PIK3CD: variants seen among roughly 807,000 people sequenced by gnomAD.
PIK3CD encodes the protein phosphatidylinositol 4,5-bisphosphate 3-kinase catalytic subunit delta isoform.
PIK3CD carries 20 observed loss-of-function variants against 122.9 expected under a neutral mutation model. That is an observed-to-expected ratio of 0.16 (90% confidence interval 0.11 to 0.24). The LOEUF is 0.24. Ranked by LOEUF, PIK3CD falls within the 10% of genes least tolerant of loss-of-function variation. PIK3CD has a pLI of 1.00. For synonymous variants in PIK3CD, 596 were observed against 593.4 expected, an observed-to-expected ratio of 1.00 and a Z score of -0.06; for missense variants, 787 against 1,406.3, an observed-to-expected ratio of 0.56 and a Z score of 7.04.
rs1276400566 is a variant in PIK3CD at position 9,724,532 on chromosome 1, G to A, written c.2864+111G>A. 4.8e-6 allele frequency: 6 copies of A among 1,246,096 alleles called. No homozygotes were observed. The African/African-American group carries it at 8.9e-5, about 19-fold the overall frequency. 77.2% of individuals were successfully genotyped at this position (1,246,096 alleles called of 1,614,324 possible). A position where few individuals can be genotyped will look rare whatever the true frequency, so the allele number is the denominator to read the frequency against. ...GGGCTCAGGTCTCAACCCCACACCT[G>A]GCCCCTCACCCCAACTGTTGATGGG... On this transcript the variant is annotated intron_variant, in intron 22 of 23. Transcript: ENST00000377346. The surrounding 1 kb of genome is among the most constrained non-coding windows in gnomAD (Gnocchi z 7.3).
the PIK3CD span, among the ~76,000 whole-genome samples, chr1:9,644,233 G>A: frequency 6.6e-6 from 1 of 152,174 alleles, no homozygotes; most frequent in Non-Finnish European, 1.5e-5. Flanking sequence ...AGAAAGCCTG[G>A]GCTGGAGTGG....
At chr1:9,632,133 C>G in the PIK3CD span, among the ~76,000 whole-genome samples, 1 of 152,094 alleles carries the variant, frequency 6.6e-6, no homozygotes, top group South Asian at 2.1e-4. Flanking sequence ...CTGCCTCGGC[C>G]TCCTGAGTAG....
intron 1 of PIK3CD, among the ~76,000 whole-genome samples, chr1:9,676,987 A>G (rs1645562949): frequency 6.6e-6 from 1 of 152,128 alleles, no homozygotes; most frequent in African/African-American, 2.4e-5. Context: ...GACCAGGACA[A>G]TGACTGGTGG....
In PIK3CD at chr1:9,710,462, C is replaced by G. The variant is rs750425882; in HGVS notation, c.7C>G (p.Pro3Ala). The part of the protein sequence containing the change: MP[P>A]GVDCPMEFWT... ...TGGGAAGTAACAACGCAGGATGCCC[C>G]CTGGGGTGGACTGCCCCATGGAATT... The change falls in exon 3 of 24, where the codon CCT becomes GCT. Residue 3 changes from proline (P) to alanine (A), a missense_variant. Around this residue, in one of 6 missense-constraint regions of PIK3CD, gnomAD observed 592 missense variants for 920.6 expected, o/e 0.64. Transcript: ENST00000377346. This position sits in a 1 kb window ranked among gnomAD's most constrained non-coding sequence, Gnocchi z 4.7. 6.2e-7 allele frequency: 1 copy of G among 1,614,084 alleles called. No individual in the cohort carries two copies. Among genetic ancestry groups the G allele is most frequent in the Non-Finnish European group, 8.5e-7 (1 of 1,180,026 alleles).
At position 9,710,444 on chromosome 1, in the gene PIK3CD, T is replaced by G; in HGVS notation, c.-12T>G. Reference sequence around the variant, plus strand: ...TTTAGGACAACTGTCATCTGGGAAGTAACAACGCAGGATGCCCCCTGGGGT... The same window carrying G: ...TTTAGGACAACTGTCATCTGGGAAGGAACAACGCAGGATGCCCCCTGGGGT... On this transcript the variant is annotated 5_prime_UTR_variant, in exon 3 of 24. It removes the in-frame stop codon of an upstream open reading frame in the 5' UTR. Coordinates refer to ENST00000377346, the MANE Select transcript of PIK3CD (RefSeq NM_005026.5). This position sits in a 1 kb window ranked among gnomAD's most constrained non-coding sequence, Gnocchi z 4.7. 2 of 1,614,020 alleles carry G rather than the reference T, an allele frequency of 1.2e-6. No homozygotes were observed. Among genetic ancestry groups the G allele is most frequent in the Non-Finnish European group, 1.7e-6 (2 of 1,179,942 alleles).
chr1:9,682,989 A>G (rs1645815452), intron 1 of PIK3CD, among the ~76,000 whole-genome samples: 1 of 149,770 alleles, frequency 6.7e-6, no homozygotes, highest in Admixed American at 6.6e-5. Context: ...ACCCAGTGCC[A>G]TGGTGGGACG....
rs948132955 is a variant in PIK3CD, at chr1:9,719,275, G to A, written c.1242+360G>A. On this transcript the variant is annotated intron_variant, in intron 9 of 23. Coordinates refer to ENST00000377346, the MANE Select transcript of PIK3CD (RefSeq NM_005026.5). This position sits in a 1 kb window ranked among gnomAD's most constrained non-coding sequence, Gnocchi z 5.5. ...GCGTAGTGGCTGGGTGCTGAGTCAC[G>A]GTCCCAGGATATGGCTCCCCTCGGA... Among the ~76,000 whole-genome samples the A allele has an allele frequency of 3.3e-5, 5 of 152,198 alleles. No individual in the cohort carries two copies. The highest frequency in any genetic ancestry group is 9.6e-5 in the African/African-American group (4 of 41,456).
chr1:9,685,620 A>C (rs11121476), intron 1 of PIK3CD, among the ~76,000 whole-genome samples: 1 of 152,206 alleles, frequency 6.6e-6, no homozygotes, highest in East Asian at 1.9e-4. Flanking sequence ...CAGCCTCCCA[A>C]AGTGCTGGGA....
Position 9,689,302 on chromosome 1 carries a change from G to T in PIK3CD, c.-137-2165G>T, listed in dbSNP as rs1646095959. Among the ~76,000 whole-genome samples, 1 of 152,190 alleles carries T rather than the reference G, an allele frequency of 6.6e-6. No individual in the cohort carries two copies. Among genetic ancestry groups the T allele is most frequent in the African/African-American group, 2.4e-5 (1 of 41,450 alleles). ...TCAGGGTGCGAACCCCAAGGGCCCC[G>T]CCTGGCAGCGTCCTGGGCCTCCGGG... is the stretch of plus-strand genomic sequence containing the variant. On this transcript the variant is annotated intron_variant, in intron 1 of 23. Transcript: ENST00000377346. This position sits in a 1 kb window ranked among gnomAD's most constrained non-coding sequence, Gnocchi z 6.1.
At chr1:9,649,118 A>AACAAACAAAC (rs1644633678), upstream of PIK3CD, among the ~76,000 whole-genome samples, 1 of 151,542 alleles carries the variant, frequency 6.6e-6, no homozygotes, top group Admixed American at 6.6e-5. Flanking sequence ...CAAACAAACA[A>AACAAACAAAC]ACAAAAAAAG....
chr1:9,641,383 C>T, the PIK3CD span, among the ~76,000 whole-genome samples: 1 of 152,160 alleles, frequency 6.6e-6, no homozygotes, highest in African/African-American at 2.4e-5. Context: ...ATTCATTGAA[C>T]CCTCCCCCAG....
At position 9,715,649 on chromosome 1, in the gene PIK3CD, G is replaced by A; in HGVS notation, c.250G>A (p.Asp84Asn). The A allele has an allele frequency of 3.1e-6, 5 of 1,613,778 alleles. No homozygotes were observed. The highest frequency in any genetic ancestry group is 3.4e-6 in the Non-Finnish European group (4 of 1,180,042). ...GACAGCGGAGCAGCAAGAGCTGGAGGACGAGCAACGGCGTCTGTGTGACGT... is the reference window on the plus strand; with the variant it reads ...GACAGCGGAGCAGCAAGAGCTGGAGAACGAGCAACGGCGTCTGTGTGACGT... ...NQTAEQQELE[D>N]EQRRLCDVQP... The change falls in exon 4 of 24, where the codon GAC (aspartate) becomes AAC (asparagine). Residue 84 changes from aspartate (D) to asparagine (N), a missense_variant. By Grantham distance (23) the Asp-to-Asn change is conservative. Around this residue, in one of 6 missense-constraint regions of PIK3CD, gnomAD observed 592 missense variants for 920.6 expected, o/e 0.64. Coordinates refer to ENST00000377346, the MANE Select transcript of PIK3CD (RefSeq NM_005026.5). This position sits in a 1 kb window ranked among gnomAD's most constrained non-coding sequence, Gnocchi z 4.1.
chr1:9,631,362 G>T, the PIK3CD span, among the ~76,000 whole-genome samples: 1 of 152,164 alleles, frequency 6.6e-6, no homozygotes, highest in African/African-American at 2.4e-5. Context: ...TTACCAAAAG[G>T]GGGTCAGACT....
the PIK3CD span, among the ~76,000 whole-genome samples, chr1:9,634,149 GTTTTT>G: frequency 1.1e-4 from 5 of 46,336 alleles, no homozygotes; most frequent in African/African-American, 1.4e-4. Context: ...TTTTTGGGTT[GTTTTT>G]TTTTTTTTTT....
intron 1 of PIK3CD, among the ~76,000 whole-genome samples, chr1:9,678,944 C>A (rs181766855): frequency 6.6e-6 from 1 of 152,250 alleles, no homozygotes; most frequent in Non-Finnish European, 1.5e-5. Context: ...TGGAAGAGGA[C>A]CATCCTTTGG....
intron 1 of PIK3CD, among the ~76,000 whole-genome samples, chr1:9,661,093 C>T (rs1644996188): frequency 6.6e-6 from 1 of 152,064 alleles, no homozygotes; most frequent in South Asian, 2.1e-4. Context: ...CGCCACCACG[C>T]CCAGATAATT....
At chr1:9,678,692 G>A (rs1300977105) in intron 1 of PIK3CD, among the ~76,000 whole-genome samples, 1 of 152,066 alleles carries the variant, frequency 6.6e-6, no homozygotes, top group Admixed American at 6.6e-5. Flanking sequence ...ACCTCAAAGG[G>A]GCAAATCATT....
chr1:9,725,954 G>A (rs774795487), intron 23 of PIK3CD, among the ~76,000 whole-genome samples: 19 of 151,930 alleles, frequency 1.3e-4, no homozygotes, highest in Non-Finnish European at 2.1e-4. Context: ...TCATGCCTCC[G>A]TAATCCCAGC....
chr1:9,678,700 A>T (rs534980795), intron 1 of PIK3CD, among the ~76,000 whole-genome samples: 18 of 152,330 alleles, frequency 1.2e-4, no homozygotes, highest in Non-Finnish European at 1.3e-4. Flanking sequence ...GGGGCAAATC[A>T]TTCTGACCCT....
Sources: gnomAD v4.1 joint callset for allele counts (sites outside exome capture counted in the v4.1 genomes callset) on GRCh38, gnomAD v4.1.1 for gene constraint, gnomAD v4.1.1 regional missense constraint, Gnocchi (gnomAD v3.1) non-coding constraint, MANE v1.5 for transcripts, NCBI Gene and HGNC (gene_info 2026-07-23, HGNC 2026-07-21) for gene names.